The following KNDC1 variants were observed in gnomAD, a reference collection of about 807,000 sequenced individuals.
KNDC1 encodes kinase non-catalytic C-lobe domain-containing protein 1.
A neutral mutation model predicts 172.8 loss-of-function variants in KNDC1; 106 were observed. That is an observed-to-expected ratio of 0.61 (90% CI 0.52 to 0.72). KNDC1 has a LOEUF of 0.72. KNDC1 is among the 30% of genes least tolerant of loss of function. KNDC1 has a pLI of 0.00. For synonymous variants in KNDC1, 1,083 were observed against 1,062.2 expected, an observed-to-expected ratio of 1.02 and a Z score of -0.38; for missense variants, 2,325 against 2,394.5, an observed-to-expected ratio of 0.97 and a Z score of 0.61.
chr10:133,211,516 T>C lies in KNDC1; in HGVS notation c.4003T>C (p.Phe1335Leu), dbSNP rs1222512078. ...AWVEDCYAVD[F>L]PRNSGLLGKL... ...GGTGGAGGACTGCTACGCTGTGGAC[T>C]TCCCTCGGAACAGCGGGCTGCTGGG... Residue 1335 changes from phenylalanine (F) to leucine (L), a missense_variant, in exon 22 of 30, where the codon TTC becomes CTC. Transcript: ENST00000304613. 1 of 1,613,988 alleles carries C rather than the reference T, an allele frequency of 6.2e-7. No homozygotes were observed. Among genetic ancestry groups the C allele is most frequent in the Non-Finnish European group, 8.5e-7 (1 of 1,179,908 alleles).
chr10:133,200,293 G>A, intron 15 of KNDC1, 82 bp from the exon 16 acceptor site: 1 of 1,068,494 alleles, frequency 9.4e-7, no homozygotes, highest in Non-Finnish European at 1.3e-6. Context: ...TAGACGTGTG[G>A]GCCTGTGGGC....
rs755910272 is a variant in KNDC1, at chr10:133,219,957, C to T, written c.4863C>T (p.Val1621=). 13 of 1,550,138 alleles carry T rather than the reference C, an allele frequency of 8.4e-6. No individual in the cohort carries two copies. The highest frequency in any genetic ancestry group is 9.6e-6 in the Non-Finnish European group (11 of 1,146,386). Residue 1621 remains valine, a splice_region_variant and synonymous_variant, in exon 29 of 30, where the codon GTC becomes GTT. Coordinates refer to ENST00000304613, the MANE Select transcript of KNDC1 (RefSeq NM_152643.8). ...EVMEELKAVE[V]FLKSDSLCLM... is the part of the protein sequence containing the mutation. ...CCACGCCCCGGCTGGACCACCAGGT[C>T]TTCCTGAAGAGCGACAGCCTGTGTC...
chr10:133,175,012 TG>T (rs1391862694), intron 3 of KNDC1, among the ~76,000 whole-genome samples: 2 of 145,850 alleles, frequency 1.4e-5, no homozygotes, highest in African/African-American at 2.6e-5. Flanking sequence ...TGTGAATGGA[TG>T]GGTGGGTGGA....
chr10:133,178,787 G>A (rs998428712), intron 3 of KNDC1: 1 of 152,222 alleles, frequency 6.6e-6, no homozygotes, highest in Non-Finnish European at 1.5e-5. Flanking sequence ...TAGGACTCAG[G>A]TTCCTACCAG....
chr10:133,190,289 G>A (rs896098664), intron 9 of KNDC1, among the ~76,000 whole-genome samples: 3 of 136,070 alleles, frequency 2.2e-5, no homozygotes, highest in Admixed American at 2.1e-4. Context: ...TAAGCACCCT[G>A]CGCTAACCAC....
At chr10:133,182,745 G>A (rs1158968319) in intron 3 of KNDC1, among the ~76,000 whole-genome samples, 1 of 152,270 alleles carries the variant, frequency 6.6e-6, no homozygotes. Flanking sequence ...TGAAAGGCCA[G>A]AGGAGTCTGT....
chr10:133,210,906 A>G (rs2136020383), intron 21 of KNDC1, among the ~76,000 whole-genome samples, 182 bp downstream of exon 21: 1 of 152,164 alleles, frequency 6.6e-6, no homozygotes, highest in East Asian at 1.9e-4. Flanking sequence ...GATGCGGAGA[A>G]AGCAGCTGGG....
chr10:133,194,095 A>G (rs889839443), intron 9 of KNDC1, among the ~76,000 whole-genome samples: 2 of 152,094 alleles, frequency 1.3e-5, no homozygotes, highest in African/African-American at 2.4e-5. Context: ...TTTAAAGGAC[A>G]CTCCACCCAA....
Position 133,186,576 on chromosome 10 carries a change from G to A in KNDC1, c.1228G>A (p.Ala410Thr). 1 of 1,607,640 alleles carries A rather than the reference G, an allele frequency of 6.2e-7. No individual in the cohort carries two copies. The highest frequency in any genetic ancestry group is 8.5e-7 in the Non-Finnish European group (1 of 1,179,894). ...CAGCCAGGGGCCAGCAGAGGCCCCT[G>A]CAGACCCTCGAGATGCTAGCGGTGA... is the stretch of plus-strand genomic sequence containing the variant. The part of the protein sequence containing the change: ...HPSQGPAEAP[A>T]DPRDASGEAQ... Residue 410 changes from alanine (A) to threonine (T), a missense_variant, in exon 6 of 30, where the codon GCA (alanine) becomes ACA (threonine). Coordinates refer to ENST00000304613, the MANE Select transcript of KNDC1 (RefSeq NM_152643.8).
At chr10:133,212,366 C>T (rs939036115) in intron 23 of KNDC1, among the ~76,000 whole-genome samples, 4 of 152,238 alleles carry the variant, frequency 2.6e-5, no homozygotes, top group Admixed American at 6.5e-5. Context: ...AGCCCTGCTG[C>T]GCTGGCACCT....
intron 26 of KNDC1, among the ~76,000 whole-genome samples, chr10:133,217,182 A>G (rs1233083772): frequency 6.6e-6 from 1 of 152,296 alleles, no homozygotes; most frequent in African/African-American, 2.4e-5. Flanking sequence ...ACTTTTTACA[A>G]TTAAAAATCA....
chr10:133,201,601 C>G lies in KNDC1; in HGVS notation c.3090C>G (p.Phe1030Leu). The G allele has an allele frequency of 6.2e-7, 1 of 1,613,098 alleles. No homozygotes were observed. Among genetic ancestry groups the G allele is most frequent in the Non-Finnish European group, 8.5e-7 (1 of 1,179,966 alleles). Residue 1030 changes from phenylalanine to leucine, a missense_variant, in exon 17 of 30, where the codon TTC becomes TTG. Coordinates refer to ENST00000304613, the MANE Select transcript of KNDC1 (RefSeq NM_152643.8). Reference sequence around the variant, plus strand: ...CGGACGCACTGTCACGGGGAAACTTCGAGGTGGGGTTTCGGCCTCAGAGGT... The same window carrying G: ...CGGACGCACTGTCACGGGGAAACTTGGAGGTGGGGTTTCGGCCTCAGAGGT... ...VDSDALSRGN[F>L]EVGFRPQRSV...
rs142913155 is a variant in KNDC1, at chr10:133,207,216, C to T, written c.3659C>T (p.Thr1220Met). The change falls in exon 20 of 30, where the codon ACG becomes ATG. Residue 1220 changes from threonine (T) to methionine (M), a missense_variant. Thr to Met is a moderately conservative substitution (Grantham distance 81). Transcript: ENST00000304613. Reference sequence around the variant, plus strand: ...AACATCGCGGCCGCACCCTGCGACACGCTGGACTTCAGCCCCCTGGACGAG... The same window carrying T: ...AACATCGCGGCCGCACCCTGCGACATGCTGGACTTCAGCCCCCTGGACGAG... The part of the protein sequence containing the change: ...IVNIAAAPCD[T>M]LDFSPLDESS... 5.0e-5 allele frequency: 80 copies of T among 1,612,414 alleles called. No homozygotes were observed. Among genetic ancestry groups the T allele is most frequent in the Admixed American group, 8.3e-5 (5 of 59,990 alleles).
chr10:133,176,061 A>G (rs1476000219), intron 3 of KNDC1, among the ~76,000 whole-genome samples: 14 of 140,658 alleles, frequency 1.0e-4, no homozygotes, highest in African/African-American at 3.7e-4. Context: ...TGGGTGGGTG[A>G]GTGGATAGGT....
chr10:133,202,691 G>C (rs1210864206), intron 17 of KNDC1: 1 of 456,592 alleles, frequency 2.2e-6, no homozygotes, highest in South Asian at 1.5e-5. Flanking sequence ...CCGCCTCCTG[G>C]CCTGCACTTT....
rs928177475 is a variant in KNDC1, at chr10:133,225,993, G to A, written c.*1103G>A. The A allele has an allele frequency of 5.3e-5, 8 of 152,368 alleles. No homozygotes were observed. The highest frequency in any genetic ancestry group is 1.7e-4 in the African/African-American group (7 of 41,588). The allele number at this position is 152,368 out of a possible 1,614,324, so 9.4% of individuals were successfully genotyped here. ...GGGGCTCTCACGGTGCCAATCACAA[G>A]ACCCAGGGTTGTGCTTTTGAGTTTT... On this transcript the variant is annotated 3_prime_UTR_variant, in exon 30 of 30. Coordinates refer to ENST00000304613, the MANE Select transcript of KNDC1 (RefSeq NM_152643.8).
At chr10:133,165,808 G>A (rs1308046144) in intron 1 of KNDC1, among the ~76,000 whole-genome samples, 1 of 152,198 alleles carries the variant, frequency 6.6e-6, no homozygotes, top group African/African-American at 2.4e-5. Context: ...GCGGTGCTAA[G>A]AGGGCGGCAG....
chr10:133,195,822 G>A lies in KNDC1; in HGVS notation c.1734+1G>A. On this transcript the variant is annotated splice_donor_variant, in intron 10 of 29. Transcript: ENST00000304613. LOFTEE classifies it high-confidence loss of function. ...GCCGTCCGCGGCTGAGGCCATCAAG[G>A]TAACCACACCACAGTCATGGCCCCA... 2 of 1,552,820 alleles carry A rather than the reference G, an allele frequency of 1.3e-6. No individual in the cohort carries two copies. The highest frequency in any genetic ancestry group is 1.7e-6 in the Non-Finnish European group (2 of 1,149,798).
rs1243192248 is a variant in KNDC1, at chr10:133,183,352, C to G, written c.369C>G (p.Ile123Met). 1 of 1,595,750 alleles carries G rather than the reference C, an allele frequency of 6.3e-7. No individual in the cohort carries two copies. The highest frequency in any genetic ancestry group is 8.5e-7 in the Non-Finnish European group (1 of 1,172,626). ...DVTGNTFEAH[I>M]YSLGATLKAA... ...GCCTGTCGTGCCCACAGGCGCACAT[C>G]TACTCTCTGGGGGCCACGCTGAAGG... The change falls in exon 4 of 30, where the codon ATC becomes ATG. Residue 123 changes from isoleucine (I) to methionine (M), a missense_variant. Physicochemically the swap from Ile to Met is conservative, Grantham distance 10. Coordinates refer to ENST00000304613, the MANE Select transcript of KNDC1 (RefSeq NM_152643.8).
Sources: gnomAD v4.1 joint callset for allele counts (sites outside exome capture counted in the v4.1 genomes callset) on GRCh38, gnomAD v4.1.1 for gene constraint, MANE v1.5 for transcripts, NCBI Gene and HGNC (gene_info 2026-07-23, HGNC 2026-07-21) for gene names.